POU6F2: variants seen among roughly 807,000 people sequenced by gnomAD.
The protein encoded by POU6F2 is POU class 6 homeobox 2.
POU6F2 carries 31 observed loss-of-function variants against 71.3 expected under a neutral mutation model. The observed-to-expected ratio is 0.43, with a 90% CI of 0.33 to 0.59. POU6F2 has a LOEUF of 0.59. POU6F2 is among the 20% of genes least tolerant of loss of function. POU6F2 has a pLI of 0.04. For synonymous variants in POU6F2, 347 were observed against 355.7 expected (o/e 0.98, Z 0.27); for missense variants, 783 against 856.8 (o/e 0.91, Z 1.07).
intron 2 of POU6F2, among the ~76,000 whole-genome samples, chr7:39,171,709 C>T (rs1273053264): frequency 6.6e-6 from 1 of 152,214 alleles, no homozygotes; most frequent in Non-Finnish European, 1.5e-5. Context: ...TGCTCCTTTT[C>T]CTGCAGTCTC....
chr7:39,108,274 A>T (rs1324740300), intron 2 of POU6F2, among the ~76,000 whole-genome samples: 2 of 135,820 alleles, frequency 1.5e-5, no homozygotes, highest in South Asian at 4.9e-4. Flanking sequence ...GTTTCCCTTC[A>T]ATTATTTTTT....
chr7:39,145,434 G>C (rs979533597), intron 2 of POU6F2, among the ~76,000 whole-genome samples: 1 of 152,226 alleles, frequency 6.6e-6, no homozygotes, highest in Non-Finnish European at 1.5e-5. Flanking sequence ...TGCCTGAGCA[G>C]AGAGAAGTAA....
chr7:39,338,730 G>A (rs1025129980), intron 4 of POU6F2, among the ~76,000 whole-genome samples: 4 of 152,154 alleles, frequency 2.6e-5, no homozygotes, highest in South Asian at 4.1e-4. Flanking sequence ...GTTTTTAGCC[G>A]TAAATTTCTC....
chr7:39,088,716 A>G (rs1248522762), intron 2 of POU6F2, among the ~76,000 whole-genome samples: 2 of 152,172 alleles, frequency 1.3e-5, no homozygotes, highest in East Asian at 3.9e-4. Context: ...TCATGGAGAG[A>G]CATTAACCAA....
chr7:39,207,681 TG>T, intron 4 of POU6F2, 61 bp downstream of exon 4: 1 of 1,462,948 alleles, frequency 6.8e-7, no homozygotes, highest in Non-Finnish European at 9.3e-7. Flanking sequence ...TTCTCTGAAG[TG>T]GGCAAAAAAA....
chr7:39,250,655 GGGCTGA>G (rs1783897903), intron 4 of POU6F2, among the ~76,000 whole-genome samples: 1 of 152,070 alleles, frequency 6.6e-6, no homozygotes, highest in Admixed American at 6.5e-5. Flanking sequence ...TACCCCCATG[GGGCTGA>G]TAGCACCTTA....
chr7:39,275,380 C>T (rs1333490749), intron 4 of POU6F2, among the ~76,000 whole-genome samples: 2 of 152,090 alleles, frequency 1.3e-5, no homozygotes, highest in Admixed American at 6.6e-5. Context: ...AACTACAAAC[C>T]ACTGCTCAAT....
chr7:39,026,147 TGGTGG>T (rs1270637492), intron 1 of POU6F2, among the ~76,000 whole-genome samples: 1 of 151,916 alleles, frequency 6.6e-6, no homozygotes, highest in Admixed American at 6.6e-5. Flanking sequence ...TTTACACTGT[TGGTGG>T]GACTGTAAAC....
intron 2 of POU6F2, among the ~76,000 whole-genome samples, chr7:39,162,033 G>T (rs559459261): frequency 6.6e-6 from 1 of 152,280 alleles, no homozygotes; most frequent in Admixed American, 6.5e-5. Context: ...TATTTGTGGG[G>T]ATGCCTTTCT....
chr7:39,384,106 A>G (rs1786886354), intron 5 of POU6F2, among the ~76,000 whole-genome samples: 1 of 152,256 alleles, frequency 6.6e-6, no homozygotes, highest in South Asian at 2.1e-4. Flanking sequence ...AATCCAAAGC[A>G]CTGCCCAGTT....
intron 6 of POU6F2, among the ~76,000 whole-genome samples, chr7:39,429,684 G>A (rs1788053288): frequency 6.6e-6 from 1 of 152,138 alleles, no homozygotes; most frequent in South Asian, 2.1e-4. Context: ...CTAGTTGTCC[G>A]TGTGCTCAGT....
At chr7:39,195,416 A>G (rs1793767072) in intron 2 of POU6F2, among the ~76,000 whole-genome samples, 1 of 152,206 alleles carries the variant, frequency 6.6e-6, no homozygotes, top group South Asian at 2.1e-4. Context: ...TCTGCATGAC[A>G]GATTAGTACC....
Position 39,339,648 on chromosome 7 carries a change from C to T in POU6F2, c.605C>T (p.Ser202Leu). The stretch of plus-strand genomic sequence containing the variant: ...TCGCTTTCTCTCCTTGTAGCTACCT[C>T]ATCCCTGAACTCCCAGCTCCAGCAG... The part of the protein sequence containing the change: ...TLPLQNLQAT[S>L]SLNSQLQQLQ... Residue 202 changes from serine (S) to leucine (L), a missense_variant, in exon 5 of 10, where the codon TCA (serine) becomes TTA (leucine). Ser to Leu is a moderately radical substitution (Grantham distance 145, BLOSUM62 -2). Around this residue, in one of 2 missense-constraint regions of POU6F2, gnomAD observed 572 missense variants for 572.9 expected, o/e 1.00. Transcript: ENST00000518318. 1 of 1,589,002 alleles carries T rather than the reference C, an allele frequency of 6.3e-7. No individual in the cohort carries two copies. Among genetic ancestry groups the T allele is most frequent in the Non-Finnish European group, 8.5e-7 (1 of 1,173,382 alleles).
At chr7:39,285,838 C>G (rs1254214811) in intron 4 of POU6F2, among the ~76,000 whole-genome samples, 2 of 152,206 alleles carry the variant, frequency 1.3e-5, no homozygotes, top group African/African-American at 4.8e-5. Context: ...TCTTCCCACT[C>G]CTGGTGCCTT....
At chr7:39,018,712 C>T (rs2128706122) in intron 1 of POU6F2, among the ~76,000 whole-genome samples, 1 of 152,066 alleles carries the variant, frequency 6.6e-6, no homozygotes, top group East Asian at 1.9e-4. Flanking sequence ...CACTATAAAA[C>T]AAAATAGAAT....
In POU6F2 at chr7:39,089,292, A is replaced by G. The variant is rs936962466; in HGVS notation, c.277+3261A>G. On this transcript the variant is annotated intron_variant, in intron 2 of 9. Transcript: ENST00000518318. The stretch of plus-strand genomic sequence containing the variant: ...TTCTTCTAAAGCCTGTAGGATAACT[A>G]TCTCCTTTTTCAGTTCATGACTGTA... 9.2e-5 allele frequency among the ~76,000 whole-genome samples: 14 copies of G among 152,128 alleles called. No homozygotes were observed. In the East Asian group the frequency reaches 1.3e-3, roughly 15 times the overall value.
At chr7:39,183,234 C>T (rs939112823) in intron 2 of POU6F2, among the ~76,000 whole-genome samples, 7 of 152,156 alleles carry the variant, frequency 4.6e-5, no homozygotes, top group South Asian at 2.1e-4. Flanking sequence ...AGTGTCATCC[C>T]GAAACCATCC....
At chr7:39,267,892 G>T (rs1784278882) in intron 4 of POU6F2, among the ~76,000 whole-genome samples, 1 of 152,110 alleles carries the variant, frequency 6.6e-6, no homozygotes, top group Admixed American at 6.5e-5. Context: ...ATACTATGAG[G>T]TTTACCCTCC....
At chr7:39,215,368 C>T (rs1045190406) in intron 4 of POU6F2, among the ~76,000 whole-genome samples, 6 of 151,840 alleles carry the variant, frequency 4.0e-5, no homozygotes. Context: ...TAAATAAAAA[C>T]AAGAAGCGAG....
Sources: allele counts gnomAD v4.1 joint callset (sites outside exome capture counted in the v4.1 genomes callset), GRCh38; gene constraint gnomAD v4.1.1; regional missense constraint gnomAD v4.1.1; transcripts MANE v1.5; gene names NCBI Gene and HGNC (gene_info 2026-07-23, HGNC 2026-07-21).